Variants in DCC observed in about 807,000 individuals in gnomAD.
DCC encodes DCC netrin 1 receptor, also known as netrin receptor DCC.
A neutral mutation model predicts 172.5 loss-of-function variants in DCC; 58 were observed. That is an observed-to-expected ratio of 0.34 (90% CI 0.27 to 0.42). DCC has a LOEUF of 0.42. Among genes scored for constraint, DCC ranks in the 10% least tolerant of loss-of-function variants. DCC has a pLI of 1.00. For synonymous variants in DCC, 709 were observed against 644.5 expected, an observed-to-expected ratio of 1.10 and a Z score of -1.52; for missense variants, 1,740 against 1,791.0, an observed-to-expected ratio of 0.97 and a Z score of 0.51.
At position 53,491,365 on chromosome 18, in the gene DCC, AG is replaced by A. The variant is rs551902533; in HGVS notation, c.3898+4408del. On this transcript the variant is annotated intron_variant, in intron 26 of 28. Transcript: ENST00000442544. ...ATTAAACTTACAATCACAATAATGT[AG>A]ATTTCTTTATTATACTTTAATTTCT... 3.5e-3 allele frequency among the ~76,000 whole-genome samples: 532 copies of A among 152,290 alleles called. 2 individuals are homozygous for A. The highest frequency in any genetic ancestry group is 0.012 in the African/African-American group (501 of 41,582).
chr18:52,566,644 T>A (rs971256185), intron 1 of DCC, among the ~76,000 whole-genome samples: 4 of 152,130 alleles, frequency 2.6e-5, no homozygotes, highest in East Asian at 1.9e-4. Flanking sequence ...ATTTTAAATT[T>A]AAAAAAATGA....
intron 1 of DCC, among the ~76,000 whole-genome samples, chr18:52,722,963 G>C (rs141756262): frequency 2.0e-5 from 3 of 152,152 alleles, no homozygotes; most frequent in African/African-American, 7.2e-5. Context: ...CACCTAATTT[G>C]TAGTTTGGTT....
chr18:52,422,773 T>C (rs1038492458), intron 1 of DCC, among the ~76,000 whole-genome samples: 6 of 152,106 alleles, frequency 3.9e-5, no homozygotes, highest in African/African-American at 1.2e-4. Flanking sequence ...TAGAGCAACA[T>C]AGATATCCTA....
intron 1 of DCC, among the ~76,000 whole-genome samples, chr18:52,684,252 A>C (rs776557973): frequency 6.6e-6 from 1 of 152,142 alleles, no homozygotes; most frequent in Non-Finnish European, 1.5e-5. Context: ...AATCAAACAC[A>C]TGCATTGAAG....
chr18:52,919,863 GT>G (rs2040093527), intron 3 of DCC, among the ~76,000 whole-genome samples: 1 of 151,964 alleles, frequency 6.6e-6, no homozygotes, highest in Non-Finnish European at 1.5e-5. Flanking sequence ...TCAAGATAGT[GT>G]GGTATTGGCA....
chr18:53,157,334 G>A (rs553378032), intron 7 of DCC, 22 bp from the exon 8 acceptor site: 3 of 1,613,804 alleles, frequency 1.9e-6, no homozygotes, highest in East Asian at 2.2e-5. Flanking sequence ...ACCTCTGATA[G>A]CCTCCTCTTC....
At chr18:52,861,518 G>T (rs1200618375) in intron 2 of DCC, among the ~76,000 whole-genome samples, 5 of 152,150 alleles carry the variant, frequency 3.3e-5, no homozygotes, top group Admixed American at 3.3e-4. Flanking sequence ...AAATTTTGGA[G>T]AAATCATGTA....
chr18:53,322,561 GA>G, intron 14 of DCC, among the ~76,000 whole-genome samples: 1 of 151,904 alleles, frequency 6.6e-6, no homozygotes, highest in African/African-American at 2.4e-5. Context: ...TGAGGCTTTT[GA>G]AAAACATCTA....
chr18:53,345,601 T>A (rs1198267822), intron 15 of DCC, among the ~76,000 whole-genome samples: 1 of 152,252 alleles, frequency 6.6e-6, no homozygotes, highest in Non-Finnish European at 1.5e-5. Context: ...TCTTATCCAA[T>A]GTTATTTCCC....
At chr18:53,219,029 TC>T (rs775694531) in intron 12 of DCC, among the ~76,000 whole-genome samples, 2 of 152,152 alleles carry the variant, frequency 1.3e-5, no homozygotes, top group Non-Finnish European at 2.9e-5. Context: ...TTTTATTAAC[TC>T]TTTGAACCTG....
intron 3 of DCC, among the ~76,000 whole-genome samples, chr18:52,909,514 A>G (rs1369373957): frequency 6.6e-6 from 1 of 152,188 alleles, no homozygotes; most frequent in African/African-American, 2.4e-5. Context: ...GTGTGTTTAT[A>G]GTTATATAAT....
chr18:53,078,538 C>T (rs2042753384), intron 7 of DCC, among the ~76,000 whole-genome samples: 1 of 151,992 alleles, frequency 6.6e-6, no homozygotes, highest in Non-Finnish European at 1.5e-5. Flanking sequence ...TGAAAAGCTC[C>T]TTCACTTATT....
intron 5 of DCC, among the ~76,000 whole-genome samples, chr18:52,947,860 A>T (rs542830616): frequency 6.6e-6 from 1 of 152,184 alleles, no homozygotes; most frequent in Non-Finnish European, 1.5e-5. Flanking sequence ...CTGAATTTCA[A>T]ACCTTGAGGA....
chr18:52,877,554 A>G (rs1568163297), intron 2 of DCC, among the ~76,000 whole-genome samples: 2 of 152,056 alleles, frequency 1.3e-5, no homozygotes, highest in East Asian at 3.9e-4. Context: ...AAAAAATACA[A>G]AAATTAGCCA....
chr18:53,273,732 C>CT (rs35717258), intron 12 of DCC, among the ~76,000 whole-genome samples: 45,873 of 144,958 alleles, frequency 0.32, 8,234 homozygotes, highest in Non-Finnish European at 0.44. Context: ...CTTTCTGCTG[C>CT]TTTTTTTTTT....
chr18:53,388,496 A>G (rs1020523083), intron 16 of DCC, among the ~76,000 whole-genome samples: 1 of 152,232 alleles, frequency 6.6e-6, no homozygotes, highest in African/African-American at 2.4e-5. Flanking sequence ...AGTTTTCTGC[A>G]CACATGTGCT....
At chr18:52,804,595 T>C (rs879191107) in intron 2 of DCC, among the ~76,000 whole-genome samples, 2 of 152,110 alleles carry the variant, frequency 1.3e-5, no homozygotes, top group African/African-American at 2.4e-5. Context: ...TGAGACGGAG[T>C]CTTGCTCTGT....
chr18:53,221,823 G>A (rs143334644), intron 12 of DCC, among the ~76,000 whole-genome samples: 253 of 152,226 alleles, frequency 1.7e-3, no homozygotes, highest in African/African-American at 5.8e-3. Flanking sequence ...GCTTTAATTG[G>A]CTAGGAAGAG....
chr18:52,373,888 A>ATTTTTTTT (rs1296846491), intron 1 of DCC, among the ~76,000 whole-genome samples: 1 of 127,320 alleles, frequency 7.9e-6, no homozygotes, highest in African/African-American at 3.0e-5. Flanking sequence ...TGGTTGCATC[A>ATTTTTTTT]TTTTTTTTTT....
Sources: allele counts gnomAD v4.1 joint callset (sites outside exome capture counted in the v4.1 genomes callset), GRCh38; gene constraint gnomAD v4.1.1; transcripts MANE v1.5; gene names NCBI Gene and HGNC (gene_info 2026-07-23, HGNC 2026-07-21).